CTDP1: variants seen among roughly 807,000 people sequenced by gnomAD.
CTDP1 encodes CTD phosphatase 1, also known as RNA polymerase II subunit A C-terminal domain phosphatase.
CTDP1 carries 47 observed loss-of-function variants against 91.8 expected under a neutral mutation model. The observed-to-expected ratio is 0.51, with a 90% CI of 0.41 to 0.65. The LOEUF is 0.65. Among genes scored for constraint, CTDP1 ranks in the 30% least tolerant of loss-of-function variants. The probability of loss-of-function intolerance (pLI) is 0.00; values close to 1 mark genes in which losing one functional copy is unlikely to be tolerated. For missense variants in CTDP1, 1,272 were observed against 1,373.7 expected (o/e 0.93, Z 1.17); for synonymous variants, 656 against 598.5 (o/e 1.10, Z -1.40).
intron 8 of CTDP1, 31 bp downstream of exon 8, chr18:79,715,559 G>T: frequency 6.5e-7 from 1 of 1,531,272 alleles, no homozygotes; most frequent in Non-Finnish European, 8.8e-7. Flanking sequence ...CCCTGGGCAT[G>T]GTCAGGCCCG....
chr18:79,729,894 T>A (rs2086531422), intron 11 of CTDP1, among the ~76,000 whole-genome samples: 1 of 152,210 alleles, frequency 6.6e-6, no homozygotes, highest in African/African-American at 2.4e-5. Flanking sequence ...CCCTCAGGTC[T>A]TCATGTTCCC....
At chr18:79,695,914 C>A in intron 2 of CTDP1, 63 bp from the exon 3 acceptor site, 1 of 1,288,662 alleles carries the variant, frequency 7.8e-7, no homozygotes, top group African/African-American at 1.5e-5. Context: ...TCACTTAGAG[C>A]CCAGTGTGCA....
At chr18:79,708,817 G>A (rs986577360) in intron 5 of CTDP1, among the ~76,000 whole-genome samples, 9 of 152,258 alleles carry the variant, frequency 5.9e-5, no homozygotes, top group African/African-American at 1.9e-4. Context: ...TAGAGGTTGT[G>A]TGTTAATGTG....
intron 12 of CTDP1, among the ~76,000 whole-genome samples, chr18:79,739,397 T>G (rs34719896): frequency 6.6e-6 from 1 of 151,090 alleles, no homozygotes; most frequent in Non-Finnish European, 1.5e-5. Flanking sequence ...CACCCCTGGG[T>G]TTTTGTGGTT....
At chr18:79,748,604 G>A (rs1306053556) in intron 12 of CTDP1, among the ~76,000 whole-genome samples, 2 of 152,204 alleles carry the variant, frequency 1.3e-5, no homozygotes, top group South Asian at 2.1e-4. Context: ...GCGCCTGCCC[G>A]CAGGTTTCTT....
intron 12 of CTDP1, among the ~76,000 whole-genome samples, chr18:79,738,418 G>C (rs1257206607): frequency 6.6e-6 from 1 of 152,168 alleles, no homozygotes; most frequent in Non-Finnish European, 1.5e-5. Context: ...CCGGTATTTG[G>C]ACCTCTGCAT....
intron 12 of CTDP1, among the ~76,000 whole-genome samples, chr18:79,737,313 G>A (rs937239351): frequency 2.6e-5 from 4 of 152,196 alleles, no homozygotes; most frequent in African/African-American, 7.2e-5. Context: ...ACAGCTGCTT[G>A]GTTCTGAATC....
At chr18:79,725,230 C>A (rs2086421489) in intron 10 of CTDP1, among the ~76,000 whole-genome samples, 1 of 152,174 alleles carries the variant, frequency 6.6e-6, no homozygotes, top group South Asian at 2.1e-4. Context: ...GCCTGTGGGG[C>A]TGCACTTGTC....
chr18:79,729,375 G>T (rs991553727), intron 11 of CTDP1, among the ~76,000 whole-genome samples: 1 of 152,168 alleles, frequency 6.6e-6, no homozygotes, highest in Non-Finnish European at 1.5e-5. Flanking sequence ...CGGCTCTCCC[G>T]GCTCACCCCA....
At chr18:79,719,103 C>G (rs896881627) in intron 10 of CTDP1, among the ~76,000 whole-genome samples, 2 of 152,220 alleles carry the variant, frequency 1.3e-5, no homozygotes, top group African/African-American at 4.8e-5. Flanking sequence ...AAGGCCCCGC[C>G]AGGCACCGCG....
chr18:79,710,279 T>TTAAAAAAAA, intron 5 of CTDP1, 67 bp from the exon 6 acceptor site: 1 of 1,243,962 alleles, frequency 8.0e-7, no homozygotes, highest in South Asian at 1.2e-5. Flanking sequence ...ATTCAAGGCT[T>TTAAAAAAAA]CACCATGTGC....
intron 12 of CTDP1, among the ~76,000 whole-genome samples, chr18:79,744,027 T>G (rs916107026): frequency 7.9e-5 from 12 of 152,182 alleles, no homozygotes; most frequent in African/African-American, 2.9e-4. Context: ...AAAGCCACCT[T>G]CTGCTCACTG....
At chr18:79,693,575 C>T (rs994425989) in intron 1 of CTDP1, among the ~76,000 whole-genome samples, 6 of 152,132 alleles carry the variant, frequency 3.9e-5, no homozygotes, top group African/African-American at 1.4e-4. Context: ...GGGGATGGGA[C>T]GTGAGTAAAC....
intron 10 of CTDP1, among the ~76,000 whole-genome samples, chr18:79,718,730 G>A (rs974435022): frequency 1.1e-4 from 17 of 152,116 alleles, no homozygotes; most frequent in African/African-American, 3.9e-4. Flanking sequence ...TGTTTGTACC[G>A]TGGTTGTTGC....
chr18:79,734,648 G>A, intron 11 of CTDP1, among the ~76,000 whole-genome samples: 1 of 152,246 alleles, frequency 6.6e-6, no homozygotes, highest in Middle Eastern at 3.2e-3. Context: ...GCCCTTGGCT[G>A]TCAAGTGTAA....
intron 10 of CTDP1, among the ~76,000 whole-genome samples, chr18:79,725,279 C>T (rs1400849597): frequency 6.6e-6 from 1 of 152,186 alleles, no homozygotes; most frequent in Non-Finnish European, 1.5e-5. Flanking sequence ...GCTGTGGCTC[C>T]CGTGATGAGG....
At chr18:79,726,221 T>A (rs1888799514) in intron 10 of CTDP1, among the ~76,000 whole-genome samples, 1 of 152,228 alleles carries the variant, frequency 6.6e-6, no homozygotes, top group Non-Finnish European at 1.5e-5. Context: ...GTGACTTCTG[T>A]TAGATTTTCG....
In CTDP1 at chr18:79,752,199, T is replaced by C. The variant is rs567821415; in HGVS notation, c.2748-1453T>C. On this transcript the variant is annotated intron_variant, in intron 12 of 12. Transcript: ENST00000613122. ...GCTCCTAAGGAAAACCTAGTGGCAC[T>C]GGCTGGTTATGCAGAGGCTCGTAAG... is the stretch of plus-strand genomic sequence containing the variant. Among the ~76,000 whole-genome samples, 155 of 145,948 alleles carry C rather than the reference T, an allele frequency of 1.1e-3. No individual in the cohort carries two copies. The South Asian group carries it at 0.027, about 25-fold the overall frequency.
At position 79,714,907 on chromosome 18, in the gene CTDP1, G is replaced by T; in HGVS notation, c.1447G>T (p.Gly483Cys). 1 of 1,569,692 alleles carries T rather than the reference G, an allele frequency of 6.4e-7. No homozygotes were observed. The highest frequency in any genetic ancestry group is 2.3e-5 in the East Asian group (1 of 43,108). The change falls in exon 8 of 13, where the codon GGC (glycine) becomes TGC (cysteine). Residue 483 changes from glycine (G) to cysteine (C), a missense_variant. Gly to Cys is a radical substitution (Grantham distance 159). Coordinates refer to ENST00000613122, the MANE Select transcript of CTDP1 (RefSeq NM_004715.5). ...TGATGGCGAAAGCGAGGGGAAAAGA[G>T]GCCGGCAGAAGCCGAAGGCTGCCCC... ...ASDGESEGKR[G>C]RQKPKAAPEG...
Sources: gnomAD v4.1 joint callset for allele counts (sites outside exome capture counted in the v4.1 genomes callset) on GRCh38, gnomAD v4.1.1 for gene constraint, MANE v1.5 for transcripts, NCBI Gene and HGNC (gene_info 2026-07-23, HGNC 2026-07-21) for gene names.